Variants in SRRM4 observed in about 807,000 individuals in gnomAD.
The protein encoded by SRRM4 is serine/arginine repetitive matrix 4.
Under a neutral mutation model 68.9 loss-of-function variants are expected in SRRM4, and 33 were observed. The ratio of observed to expected loss-of-function variants is 0.48; its 90% CI spans 0.36 to 0.64. The LOEUF is 0.64. Among genes scored for constraint, SRRM4 ranks in the 30% least tolerant of loss-of-function variants. SRRM4 has a pLI of 0.00. For missense variants in SRRM4, 817 were observed against 827.1 expected, an observed-to-expected ratio of 0.99 and a Z score of 0.15; for synonymous variants, 318 against 318.8, an observed-to-expected ratio of 1.00 and a Z score of 0.03.
At chr12:119,030,323 G>A (rs1490816653) in intron 1 of SRRM4, among the ~76,000 whole-genome samples, 1 of 152,176 alleles carries the variant, frequency 6.6e-6, no homozygotes, top group Non-Finnish European at 1.5e-5. Flanking sequence ...ATCCGGTAGA[G>A]CTGTTGATGA....
At chr12:119,079,006 A>G (rs184118120) in intron 1 of SRRM4, among the ~76,000 whole-genome samples, 1 of 152,340 alleles carries the variant, frequency 6.6e-6, no homozygotes, top group East Asian at 1.9e-4. Flanking sequence ...GCTGTGTTAG[A>G]TTCTGTGGAC....
intron 8 of SRRM4, 112 bp from the exon 9 acceptor site, chr12:119,145,263 CCTCTCT>C (rs931761848): frequency 2.3e-6 from 2 of 879,626 alleles, no homozygotes; most frequent in African/African-American, 1.7e-5. Flanking sequence ...TCTTTCTTCT[CCTCTCT>C]CTCTCTTTCC....
At chr12:119,097,416 T>C (rs7304387) in intron 1 of SRRM4, among the ~76,000 whole-genome samples, 12,018 of 152,290 alleles carry the variant, frequency 0.079, 530 homozygotes, top group African/African-American at 0.1. Context: ...CATTTGTTCA[T>C]CCATCCATTT....
At chr12:119,026,834 G>C (rs1294720259) in intron 1 of SRRM4, among the ~76,000 whole-genome samples, 1 of 152,118 alleles carries the variant, frequency 6.6e-6, no homozygotes, top group East Asian at 1.9e-4. Context: ...ACTTTGCCAG[G>C]CCCACAATGA....
intron 8 of SRRM4, among the ~76,000 whole-genome samples, chr12:119,136,059 C>T (rs1954325990): frequency 6.6e-6 from 1 of 152,138 alleles, no homozygotes; most frequent in Non-Finnish European, 1.5e-5. Context: ...GGGACATAAC[C>T]CTCAAAGTAT....
intron 1 of SRRM4, among the ~76,000 whole-genome samples, chr12:119,092,031 G>A (rs960641287): frequency 2.6e-5 from 4 of 152,284 alleles, no homozygotes; most frequent in East Asian, 1.9e-4. Context: ...ATGAATAAAC[G>A]CACAAACAAT....
In SRRM4 at chr12:119,154,089, C is replaced by G. The variant is rs1954456905; in HGVS notation, c.1392-154C>G. On this transcript the variant is annotated intron_variant, in intron 11 of 12. Transcript: ENST00000267260. This position sits in a 1 kb window ranked among gnomAD's most constrained non-coding sequence, Gnocchi z 4.7. The stretch of plus-strand genomic sequence containing the variant: ...CCCTCGCAGACTCTTACCGCAGCCC[C>G]GTCATCCTCCCTCCGGTCTCCCTTG... Among the ~76,000 whole-genome samples the G allele has an allele frequency of 6.6e-6, 1 of 152,108 alleles. No individual in the cohort carries two copies.
intron 1 of SRRM4, among the ~76,000 whole-genome samples, chr12:119,067,208 G>A (rs150337533): frequency 2.0e-5 from 3 of 151,398 alleles, no homozygotes; most frequent in South Asian, 4.2e-4. Flanking sequence ...AAACTTTTAC[G>A]AGGGCAGAAA....
intron 1 of SRRM4, among the ~76,000 whole-genome samples, chr12:119,066,405 T>C (rs1487594025): frequency 1.3e-5 from 2 of 152,224 alleles, no homozygotes; most frequent in African/African-American, 2.4e-5. Flanking sequence ...TCAGTGAATG[T>C]GGTTGCAAAT....
At chr12:119,075,932 ATGGT>A (rs1953911536) in intron 1 of SRRM4, among the ~76,000 whole-genome samples, 2 of 131,888 alleles carry the variant, frequency 1.5e-5, no homozygotes, top group Non-Finnish European at 3.2e-5. Flanking sequence ...GATGGTGGTG[ATGGT>A]GATGATGATG....
chr12:119,130,959 C>G (rs1246539642), intron 8 of SRRM4, 125 bp downstream of exon 8: 2 of 1,028,116 alleles, frequency 1.9e-6, no homozygotes, highest in Non-Finnish European at 2.7e-6. Flanking sequence ...CCCACTGGCT[C>G]CAGACCTCAT....
At chr12:119,065,465 G>A (rs895859138) in intron 1 of SRRM4, among the ~76,000 whole-genome samples, 9 of 152,262 alleles carry the variant, frequency 5.9e-5, no homozygotes, top group Admixed American at 2.0e-4. Context: ...GGCCAGGTGC[G>A]GTGGTTCATG....
At chr12:119,095,060 G>C (rs1954034988) in intron 1 of SRRM4, among the ~76,000 whole-genome samples, 1 of 152,112 alleles carries the variant, frequency 6.6e-6, no homozygotes, top group Non-Finnish European at 1.5e-5. Context: ...AAGCTCTATT[G>C]CTTTTTCAAG....
At chr12:119,029,362 A>C (rs1953571648) in intron 1 of SRRM4, among the ~76,000 whole-genome samples, 1 of 152,226 alleles carries the variant, frequency 6.6e-6, no homozygotes, top group Non-Finnish European at 1.5e-5. Context: ...GTGAGCAAAC[A>C]GAGGAGAGAA....
At chr12:119,069,445 T>C (rs1168268784) in intron 1 of SRRM4, among the ~76,000 whole-genome samples, 1 of 152,174 alleles carries the variant, frequency 6.6e-6, no homozygotes, top group Non-Finnish European at 1.5e-5. Context: ...GATTAAAATA[T>C]AATCCTAGCA....
intron 12 of SRRM4, among the ~76,000 whole-genome samples, chr12:119,155,506 G>C (rs1954466050): frequency 6.6e-6 from 1 of 152,246 alleles, no homozygotes; most frequent in African/African-American, 2.4e-5. Context: ...GCCAAGGCAG[G>C]CGGATTGCTG....
In SRRM4 at chr12:119,154,595, G is replaced by T. The variant is rs540894282; in HGVS notation, c.1532+212G>T. On this transcript the variant is annotated intron_variant, in intron 12 of 12. Coordinates refer to ENST00000267260, the MANE Select transcript of SRRM4 (RefSeq NM_194286.4). The surrounding 1 kb of genome is among the most constrained non-coding windows in gnomAD (Gnocchi z 4.7). Reference sequence around the variant, plus strand: ...CCAGCTCAACCAGCAGGGCCTGCAAGAAGGGGGCGGGGCCAGCCTGAAGAA... The same window carrying T: ...CCAGCTCAACCAGCAGGGCCTGCAATAAGGGGGCGGGGCCAGCCTGAAGAA... Among the ~76,000 whole-genome samples, 21 of 152,330 alleles carry T rather than the reference G, an allele frequency of 1.4e-4. No individual in the cohort carries two copies. The highest frequency in any genetic ancestry group is 2.6e-4 in the Non-Finnish European group (18 of 68,030).
intron 1 of SRRM4, among the ~76,000 whole-genome samples, chr12:119,016,405 C>CAAAG (rs1009682562): frequency 3.3e-4 from 49 of 149,862 alleles, no homozygotes; most frequent in Admixed American, 3.2e-3. Flanking sequence ...TGGAAATGAG[C>CAAAG]AAAGTGTGGT....
At chr12:119,026,615 G>A (rs1259825251) in intron 1 of SRRM4, among the ~76,000 whole-genome samples, 2 of 150,350 alleles carry the variant, frequency 1.3e-5, no homozygotes, top group African/African-American at 2.5e-5. Flanking sequence ...ATGGCGCGAC[G>A]TTGGCTCACC....
Sources: allele counts gnomAD v4.1 joint callset (sites outside exome capture counted in the v4.1 genomes callset), GRCh38; gene constraint gnomAD v4.1.1; non-coding constraint Gnocchi (gnomAD v3.1); transcripts MANE v1.5; gene names NCBI Gene and HGNC (gene_info 2026-07-23, HGNC 2026-07-21).